The following SEL1L2 variants were observed in gnomAD, a reference collection of about 807,000 sequenced individuals.
The protein encoded by SEL1L2 is protein sel-1 homolog 2.
A neutral mutation model predicts 98.8 loss-of-function variants in SEL1L2; 89 were observed. That is an observed-to-expected ratio of 0.90 (90% CI 0.76 to 1.07). The LOEUF is 1.07. Among genes scored for constraint, SEL1L2 ranks in the 50% least tolerant of loss-of-function variants. The pLI, the probability that SEL1L2 is intolerant of heterozygous loss-of-function variation, is 0.00. For synonymous variants in SEL1L2, 262 were observed against 278.5 expected (o/e 0.94, Z 0.59); for missense variants, 788 against 812.0 (o/e 0.97, Z 0.36).
intron 3 of SEL1L2, among the ~76,000 whole-genome samples, chr20:13,923,203 T>C (rs80314817): frequency 1.0e-3 from 158 of 152,370 alleles, no homozygotes; most frequent in African/African-American, 3.6e-3. Context: ...TTTGGTGGCA[T>C]TCCACAATTT....
At chr20:13,914,518 C>T (rs1568958594) in intron 4 of SEL1L2, among the ~76,000 whole-genome samples, 1 of 152,154 alleles carries the variant, frequency 6.6e-6, no homozygotes, top group African/African-American at 2.4e-5. Flanking sequence ...ATGGCTAGGG[C>T]TCTAGAGTCT....
intron 2 of SEL1L2, among the ~76,000 whole-genome samples, chr20:13,940,825 G>A (rs556847710): frequency 1.3e-5 from 2 of 152,186 alleles, no homozygotes; most frequent in Admixed American, 6.5e-5. Context: ...GCTTGAACCC[G>A]GGAGGCGGAG....
At chr20:13,965,641 A>T (rs1165136286) in intron 1 of SEL1L2, among the ~76,000 whole-genome samples, 1 of 152,134 alleles carries the variant, frequency 6.6e-6, no homozygotes, top group Non-Finnish European at 1.5e-5. Context: ...TTTCATCAAG[A>T]CACCCATCTC....
intron 2 of SEL1L2, among the ~76,000 whole-genome samples, chr20:13,945,475 T>C: frequency 1.3e-5 from 2 of 151,076 alleles, no homozygotes; most frequent in South Asian, 4.2e-4. Flanking sequence ...TATGTACATT[T>C]TAATATATAC....
At chr20:13,898,466 C>A (rs549701310) in intron 5 of SEL1L2, among the ~76,000 whole-genome samples, 1 of 152,150 alleles carries the variant, frequency 6.6e-6, no homozygotes, top group Admixed American at 6.5e-5. Context: ...TATTTATAAC[C>A]CCACACAGGA....
chr20:13,882,511 C>T (rs1245574360), intron 10 of SEL1L2, among the ~76,000 whole-genome samples: 1 of 152,170 alleles, frequency 6.6e-6, no homozygotes, highest in Admixed American at 6.5e-5. Context: ...AAGCTTGGGC[C>T]AGTTGGCTAA....
chr20:13,900,659 G>C (rs1169867646), intron 5 of SEL1L2, among the ~76,000 whole-genome samples: 2 of 152,168 alleles, frequency 1.3e-5, no homozygotes, highest in Non-Finnish European at 2.9e-5. Context: ...CGCTGTGCCT[G>C]TGCGGCCAGG....
intron 5 of SEL1L2, among the ~76,000 whole-genome samples, chr20:13,910,669 C>T (rs531648567): frequency 4.6e-5 from 7 of 152,132 alleles, no homozygotes; most frequent in Non-Finnish European, 1.0e-4. Context: ...TTATTCCTTC[C>T]GGCACTGGGT....
At chr20:13,895,174 G>C (rs759477864) in intron 5 of SEL1L2, among the ~76,000 whole-genome samples, 9 of 152,194 alleles carry the variant, frequency 5.9e-5, no homozygotes, top group Non-Finnish European at 8.8e-5. Context: ...CTGGAGCAGT[G>C]GCTCATGCCT....
chr20:13,902,239 C>G (rs2047715890), intron 5 of SEL1L2, among the ~76,000 whole-genome samples: 1 of 152,110 alleles, frequency 6.6e-6, no homozygotes, highest in Non-Finnish European at 1.5e-5. Context: ...CTCGGATCCA[C>G]TGATTGATTA....
At chr20:13,901,410 T>G (rs2047675818) in intron 5 of SEL1L2, among the ~76,000 whole-genome samples, 4 of 152,200 alleles carry the variant, frequency 2.6e-5, no homozygotes, top group Admixed American at 2.6e-4. Context: ...TATATTTTCT[T>G]CTGCGTCTGG....
intron 3 of SEL1L2, among the ~76,000 whole-genome samples, chr20:13,929,789 G>C (rs1483399632): frequency 6.9e-6 from 1 of 144,590 alleles, no homozygotes; most frequent in Non-Finnish European, 1.5e-5. Context: ...AGTGAGCCAC[G>C]TGCCCGGCCT....
intron 5 of SEL1L2, among the ~76,000 whole-genome samples, chr20:13,893,602 G>C (rs1402220229): frequency 6.6e-6 from 1 of 152,076 alleles, no homozygotes; most frequent in African/African-American, 2.4e-5. Flanking sequence ...ATATTAAATA[G>C]AACAATCAGA....
intron 18 of SEL1L2, among the ~76,000 whole-genome samples, chr20:13,856,726 C>T (rs1254534758): frequency 6.6e-6 from 1 of 152,074 alleles, no homozygotes; most frequent in Non-Finnish European, 1.5e-5. Context: ...ATTGATTTAC[C>T]AAGAGATGAT....
chr20:13,969,091 A>G (rs1329895319), intron 1 of SEL1L2, among the ~76,000 whole-genome samples: 1 of 152,192 alleles, frequency 6.6e-6, no homozygotes, highest in African/African-American at 2.4e-5. Flanking sequence ...TTTGCAATAG[A>G]TAGAAAGTTT....
At chr20:13,983,490 T>C (rs1260040623) in intron 1 of SEL1L2, among the ~76,000 whole-genome samples, 3 of 152,082 alleles carry the variant, frequency 2.0e-5, no homozygotes, top group South Asian at 4.1e-4. Flanking sequence ...TTAGGTCTTT[T>C]AGCACTAGCT....
At chr20:13,870,559 G>C (rs1052776947) in intron 12 of SEL1L2, among the ~76,000 whole-genome samples, 1 of 152,122 alleles carries the variant, frequency 6.6e-6, no homozygotes, top group Non-Finnish European at 1.5e-5. Flanking sequence ...AGGGGGCTCT[G>C]AGCCATATCA....
At chr20:13,896,805 C>T (rs1294951419) in intron 5 of SEL1L2, among the ~76,000 whole-genome samples, 1 of 152,138 alleles carries the variant, frequency 6.6e-6, no homozygotes, top group African/African-American at 2.4e-5. Flanking sequence ...GATTGTGAGA[C>T]TTAAGATTGT....
intron 18 of SEL1L2, 21 bp from the exon 19 acceptor site, chr20:13,850,340 C>G: frequency 6.2e-7 from 1 of 1,613,542 alleles, no homozygotes; most frequent in Non-Finnish European, 8.5e-7. Context: ...AAGAATAGCC[C>G]TACCCATCAG....
Sources: allele counts gnomAD v4.1 joint callset (sites outside exome capture counted in the v4.1 genomes callset), GRCh38; gene constraint gnomAD v4.1.1; transcripts MANE v1.5; gene names NCBI Gene and HGNC (gene_info 2026-07-23, HGNC 2026-07-21).